AIG1: variants seen among roughly 807,000 people sequenced by gnomAD.
AIG1 encodes the protein androgen-induced gene 1 protein.
In AIG1, 23 loss-of-function variants were observed where a neutral mutation model predicts 31.4. The ratio of observed to expected loss-of-function variants is 0.73; its 90% CI spans 0.53 to 1.04. AIG1 has a LOEUF of 1.04. Among genes scored for constraint, AIG1 ranks in the 50% least tolerant of loss-of-function variants. The probability of loss-of-function intolerance (pLI) is 0.00; values close to 1 mark genes in which losing one functional copy is unlikely to be tolerated. For missense variants in AIG1, 274 were observed against 295.0 expected, an observed-to-expected ratio of 0.93 and a Z score of 0.52; for synonymous variants, 100 against 110.5, an observed-to-expected ratio of 0.90 and a Z score of 0.60.
At chr6:143,304,160 G>A (rs1202344366) in intron 4 of AIG1, among the ~76,000 whole-genome samples, 1 of 152,064 alleles carries the variant, frequency 6.6e-6, no homozygotes, top group Non-Finnish European at 1.5e-5. Context: ...TTACAATCAT[G>A]TCATCTACAA....
At chr6:143,062,786 A>T (rs999801618) in intron 1 of AIG1, among the ~76,000 whole-genome samples, 9 of 152,194 alleles carry the variant, frequency 5.9e-5, no homozygotes, top group African/African-American at 1.9e-4. Flanking sequence ...AAATATGTGC[A>T]TAGATTTTCA....
rs763119913 is a variant in AIG1 at position 143,060,938 on chromosome 6, C to G, written c.13C>G (p.Pro5Ala). MALV[P>A]CQVLRMAILL... ...GCCTCTGGCGAACATGGCGCTTGTC[C>G]CCTGCCAGGTGCTGCGGATGGCAAT... Residue 5 changes from proline to alanine, a missense_variant, in exon 1 of 6, where the codon CCC (proline) becomes GCC (alanine). Transcript: ENST00000357847. 9.3e-6 allele frequency: 15 copies of G among 1,610,374 alleles called. No homozygotes were observed. Among genetic ancestry groups the G allele is most frequent in the Non-Finnish European group, 1.3e-5 (15 of 1,179,078 alleles).
At chr6:143,249,359 T>C (rs1283745442) in intron 3 of AIG1, among the ~76,000 whole-genome samples, 1 of 152,190 alleles carries the variant, frequency 6.6e-6, no homozygotes, top group African/African-American at 2.4e-5. Context: ...TTTTAAGTCC[T>C]TTCATGTTGT....
chr6:143,187,867 C>G, intron 3 of AIG1: 1 of 1,406,610 alleles, frequency 7.1e-7, no homozygotes, highest in Non-Finnish European at 9.2e-7. Context: ...GAAGGGTATC[C>G]GCAGCATTGT....
intron 3 of AIG1, among the ~76,000 whole-genome samples, chr6:143,238,726 A>G (rs1794001233): frequency 6.6e-6 from 1 of 152,258 alleles, no homozygotes; most frequent in East Asian, 1.9e-4. Context: ...AAGGAACTGT[A>G]ATGAGTGGGA....
intron 3 of AIG1, among the ~76,000 whole-genome samples, chr6:143,226,262 G>T (rs1792942542): frequency 6.8e-6 from 1 of 146,210 alleles, no homozygotes; most frequent in East Asian, 2.0e-4. Context: ...TTTTTTTTGA[G>T]ATGGAGTCTC....
chr6:143,219,514 G>A (rs1250130992), intron 3 of AIG1, among the ~76,000 whole-genome samples: 2 of 152,130 alleles, frequency 1.3e-5, no homozygotes, highest in African/African-American at 2.4e-5. Flanking sequence ...GAGTCAATTG[G>A]TGATTTTCAA....
intron 3 of AIG1, among the ~76,000 whole-genome samples, chr6:143,221,161 G>A (rs377496954): frequency 6.6e-6 from 1 of 152,272 alleles, no homozygotes; most frequent in East Asian, 1.9e-4. Flanking sequence ...TTAGCTAGTA[G>A]ATAAGCACAC....
chr6:143,156,173 G>A (rs1785726700), intron 2 of AIG1, among the ~76,000 whole-genome samples: 1 of 152,182 alleles, frequency 6.6e-6, no homozygotes, highest in Non-Finnish European at 1.5e-5. Context: ...ATCCCTCTGA[G>A]GTCTCTTGTA....
intron 1 of AIG1, among the ~76,000 whole-genome samples, chr6:143,129,979 G>A (rs902596974): frequency 1.4e-5 from 2 of 147,622 alleles, no homozygotes; most frequent in African/African-American, 5.0e-5. Flanking sequence ...TCACCAGGCT[G>A]GAGTGCAGTG....
chr6:143,292,616 A>G lies in AIG1; in HGVS notation c.515+8391A>G, dbSNP rs1471656175. ...CTATGTTATACTTCTAACCTGTAGA[A>G]TTCTCCGATGAATATGTGTTGTTTT... is the stretch of plus-strand genomic sequence containing the variant. On this transcript the variant is annotated intron_variant, in intron 4 of 5. Coordinates refer to ENST00000357847, the MANE Select transcript of AIG1 (RefSeq NM_016108.4). This position sits in a 1 kb window ranked among gnomAD's most constrained non-coding sequence, Gnocchi z 4.9. 6.6e-6 allele frequency among the ~76,000 whole-genome samples: 1 copy of G among 152,248 alleles called. No individual in the cohort carries two copies. Among genetic ancestry groups the G allele is most frequent in the East Asian group, 1.9e-4 (1 of 5,198 alleles).
At chr6:143,286,957 T>C (rs1176562966) in intron 4 of AIG1, among the ~76,000 whole-genome samples, 2 of 143,236 alleles carry the variant, frequency 1.4e-5, no homozygotes, top group Non-Finnish European at 3.1e-5. Context: ...TGGTTCTGTT[T>C]CCCAGCCCCG....
chr6:143,100,685 A>G (rs977533791), intron 1 of AIG1, among the ~76,000 whole-genome samples: 11 of 149,756 alleles, frequency 7.3e-5, no homozygotes, highest in Admixed American at 2.6e-4. Flanking sequence ...CTTAAAGTTT[A>G]TTCTCTTTTT....
chr6:143,269,016 T>G (rs1272069003), intron 3 of AIG1, among the ~76,000 whole-genome samples: 1 of 152,210 alleles, frequency 6.6e-6, no homozygotes, highest in Non-Finnish European at 1.5e-5. Context: ...GGCAGGGCCT[T>G]CACAGCTTTG....
chr6:143,116,970 C>A (rs188402532), intron 1 of AIG1, among the ~76,000 whole-genome samples: 1 of 152,150 alleles, frequency 6.6e-6, no homozygotes, highest in South Asian at 2.1e-4. Flanking sequence ...TGTTCCTCAT[C>A]GACAAGGAAC....
intron 3 of AIG1, among the ~76,000 whole-genome samples, chr6:143,183,155 G>C (rs1386397995): frequency 3.3e-5 from 5 of 150,402 alleles, no homozygotes; most frequent in Non-Finnish European, 7.4e-5. Flanking sequence ...TTTTATCTGG[G>C]TATTAGTTAT....
chr6:143,271,030 G>A (rs564232185), intron 3 of AIG1, among the ~76,000 whole-genome samples: 1 of 152,320 alleles, frequency 6.6e-6, no homozygotes, highest in South Asian at 2.1e-4. Flanking sequence ...ATGGTTCTCT[G>A]CTTTCGATTA....
intron 3 of AIG1, among the ~76,000 whole-genome samples, chr6:143,229,405 TC>T (rs1006232159): frequency 6.6e-6 from 1 of 152,224 alleles, no homozygotes; most frequent in African/African-American, 2.4e-5. Context: ...TGTTGTCCAT[TC>T]CCTTCTAGCC....
intron 4 of AIG1, among the ~76,000 whole-genome samples, chr6:143,285,401 C>T (rs1277166997): frequency 6.6e-6 from 1 of 151,002 alleles, no homozygotes; most frequent in Non-Finnish European, 1.5e-5. Context: ...GTGGCTCACG[C>T]TTGTAATCCC....
Sources: allele counts gnomAD v4.1 joint callset (sites outside exome capture counted in the v4.1 genomes callset), GRCh38; gene constraint gnomAD v4.1.1; non-coding constraint Gnocchi (gnomAD v3.1); transcripts MANE v1.5; gene names NCBI Gene and HGNC (gene_info 2026-07-23, HGNC 2026-07-21).